RGS7: variants seen among roughly 807,000 people sequenced by gnomAD.
RGS7 encodes regulator of G protein signaling 7.
Under a neutral mutation model 81.1 loss-of-function variants are expected in RGS7, and 27 were observed. That is an observed-to-expected ratio of 0.33 (90% CI 0.25 to 0.46). RGS7 has a LOEUF of 0.46. Among genes scored for constraint, RGS7 ranks in the 20% least tolerant of loss-of-function variants. The pLI is 1.00. For synonymous variants in RGS7, 208 were observed against 207.7 expected (o/e 1.00, Z -0.01); for missense variants, 396 against 607.4 (o/e 0.65, Z 3.66).
chr1:240,855,988 C>A (rs1355045458), intron 9 of RGS7, among the ~76,000 whole-genome samples: 1 of 151,990 alleles, frequency 6.6e-6, no homozygotes, highest in Admixed American at 6.6e-5. Flanking sequence ...TATATATTTT[C>A]TTTTATACAT....
At chr1:241,201,307 C>T (rs2147855031) in intron 2 of RGS7, among the ~76,000 whole-genome samples, 1 of 152,250 alleles carries the variant, frequency 6.6e-6, no homozygotes, top group East Asian at 1.9e-4. Flanking sequence ...ACTTCTTTTC[C>T]TAAAGGTGTG....
chr1:241,350,483 C>T (rs184311148), intron 2 of RGS7, among the ~76,000 whole-genome samples: 1 of 152,290 alleles, frequency 6.6e-6, no homozygotes, highest in East Asian at 1.9e-4. Flanking sequence ...AGGACCATGC[C>T]TTTCATAATG....
intron 6 of RGS7, among the ~76,000 whole-genome samples, chr1:240,876,976 A>C (rs573510583): frequency 1.3e-5 from 2 of 152,092 alleles, no homozygotes; most frequent in South Asian, 2.1e-4. Context: ...AAAAACCCCC[A>C]AAAAATTCAT....
chr1:241,030,875 A>G (rs933587546), intron 3 of RGS7, among the ~76,000 whole-genome samples: 1 of 152,208 alleles, frequency 6.6e-6, no homozygotes, highest in Non-Finnish European at 1.5e-5. Context: ...GGTAGGCTCA[A>G]CTGGGCCAGT....
rs542098565 is a variant in RGS7 at position 240,896,637 on chromosome 1, G to T, written c.386-26518C>A. 1.5e-4 allele frequency among the ~76,000 whole-genome samples: 23 copies of T among 152,212 alleles called. No individual in the cohort carries two copies. In the South Asian group the frequency reaches 4.8e-3, roughly 32 times the overall value. On this transcript the variant is annotated intron_variant, in intron 6 of 18. Coordinates refer to ENST00000440928, the MANE Select transcript of RGS7 (RefSeq NM_001364886.1). ...CTGAGGGCTCCGTTCTGTTCCACTG[G>T]TCTATATCTCTGTTTTGGTACCAGT...
intron 2 of RGS7, among the ~76,000 whole-genome samples, chr1:241,221,003 GAGAAAGGA>G (rs1558203448): frequency 4.1e-5 from 2 of 49,160 alleles, no homozygotes; most frequent in African/African-American, 6.0e-5. Context: ...GGAAGAGAGA[GAGAAAGGA>G]AGGAAGGAAG....
At chr1:241,093,442 C>A (rs952811144) in intron 3 of RGS7, among the ~76,000 whole-genome samples, 12 of 152,024 alleles carry the variant, frequency 7.9e-5, no homozygotes, top group African/African-American at 2.9e-4. Context: ...TACTAGCCCA[C>A]AAAACCCAGT....
Position 240,950,868 on chromosome 1 carries a change from A to C in RGS7, c.227-14162T>G, listed in dbSNP as rs533023910. Among the ~76,000 whole-genome samples the C allele has an allele frequency of 1.3e-3, 196 of 152,256 alleles. 2 individuals are homozygous for C. The highest frequency in any genetic ancestry group is 4.5e-3 in the African/African-American group (188 of 41,568). Reference sequence around the variant, plus strand: ...TACTAAACCATAAATTAGCACACTAAAGGCCTGAGTTCCCATTACCTAATA... The same window carrying C: ...TACTAAACCATAAATTAGCACACTACAGGCCTGAGTTCCCATTACCTAATA... On this transcript the variant is annotated intron_variant, in intron 4 of 18. Coordinates refer to ENST00000440928, the MANE Select transcript of RGS7 (RefSeq NM_001364886.1).
At chr1:241,232,047 T>C (rs1029907202) in intron 2 of RGS7, among the ~76,000 whole-genome samples, 3 of 152,240 alleles carry the variant, frequency 2.0e-5, no homozygotes, top group Non-Finnish European at 4.4e-5. Flanking sequence ...TGTATGGATA[T>C]ATAATTGTCC....
At chr1:240,858,636 G>T (rs1450633038) in intron 9 of RGS7, among the ~76,000 whole-genome samples, 1 of 152,112 alleles carries the variant, frequency 6.6e-6, no homozygotes, top group African/African-American at 2.4e-5. Context: ...AATATCAGTT[G>T]TTTTGCTAAT....
chr1:241,213,752 A>T (rs966631130), intron 2 of RGS7, among the ~76,000 whole-genome samples: 6 of 152,204 alleles, frequency 3.9e-5, no homozygotes, highest in African/African-American at 1.4e-4. Flanking sequence ...ATGAAGATTC[A>T]GTTAATTTTA....
intron 9 of RGS7, among the ~76,000 whole-genome samples, chr1:240,835,243 AT>A (rs1694529362): frequency 6.6e-6 from 1 of 152,268 alleles, no homozygotes; most frequent in East Asian, 1.9e-4. Flanking sequence ...AAACCCAACA[AT>A]AAGAAGATAC....
intron 2 of RGS7, among the ~76,000 whole-genome samples, chr1:241,331,600 G>A (rs1441420563): frequency 6.6e-6 from 1 of 152,080 alleles, no homozygotes; most frequent in East Asian, 1.9e-4. Context: ...TTGAGATTTA[G>A]CAATTGTGTT....
chr1:240,798,859 C>T (rs1251357140), intron 18 of RGS7, among the ~76,000 whole-genome samples: 1 of 152,044 alleles, frequency 6.6e-6, no homozygotes, highest in Non-Finnish European at 1.5e-5. Flanking sequence ...TACTGTTGAC[C>T]TTGTAGCCTC....
intron 3 of RGS7, among the ~76,000 whole-genome samples, chr1:241,091,487 G>A (rs2063870901): frequency 6.6e-6 from 1 of 151,710 alleles, no homozygotes; most frequent in Non-Finnish European, 1.5e-5. Context: ...GGCGGAGCTT[G>A]CAGTGAGCTG....
At chr1:240,917,691 A>G (rs1672824127) in intron 6 of RGS7, among the ~76,000 whole-genome samples, 1 of 152,184 alleles carries the variant, frequency 6.6e-6, no homozygotes, top group African/African-American at 2.4e-5. Flanking sequence ...GCAGAAAGAG[A>G]CAGGAAGACA....
At chr1:241,190,021 T>C (rs1028789658) in intron 2 of RGS7, among the ~76,000 whole-genome samples, 2 of 151,986 alleles carry the variant, frequency 1.3e-5, no homozygotes, top group Non-Finnish European at 2.9e-5. Context: ...GAGAATGGCG[T>C]GAACCTGGGA....
chr1:240,952,671 T>C (rs937041093), intron 4 of RGS7, among the ~76,000 whole-genome samples: 3 of 152,030 alleles, frequency 2.0e-5, no homozygotes, highest in African/African-American at 7.2e-5. Flanking sequence ...TACATACAAA[T>C]ATGTAAGAAG....
chr1:240,845,724 A>C (rs1658952976), intron 9 of RGS7, among the ~76,000 whole-genome samples: 1 of 152,224 alleles, frequency 6.6e-6, no homozygotes, highest in African/African-American at 2.4e-5. Context: ...CAGGCAATCA[A>C]TGTTATTGTC....
Sources: gnomAD v4.1 joint callset for allele counts (sites outside exome capture counted in the v4.1 genomes callset) on GRCh38, gnomAD v4.1.1 for gene constraint, MANE v1.5 for transcripts, NCBI Gene and HGNC (gene_info 2026-07-23, HGNC 2026-07-21) for gene names.